Variants in GBE1 observed in about 807,000 individuals in gnomAD.
GBE1 encodes 1,4-alpha-glucan-branching enzyme.
Under a neutral mutation model 88.8 loss-of-function variants are expected in GBE1, and 70 were observed. The ratio of observed to expected loss-of-function variants is 0.79; its 90% CI spans 0.65 to 0.96. The LOEUF is 0.96. Ranked by LOEUF, GBE1 falls within the 40% of genes least tolerant of loss-of-function variation. The pLI is 0.00. For synonymous variants in GBE1, 284 were observed against 300.1 expected (o/e 0.95, Z 0.56); for missense variants, 872 against 871.0 (o/e 1.00, Z -0.01).
intron 1 of GBE1, among the ~76,000 whole-genome samples, chr3:81,740,627 T>C (rs1036951043): frequency 2.0e-5 from 3 of 152,142 alleles, no homozygotes; most frequent in Non-Finnish European, 4.4e-5. Flanking sequence ...TATGAAATAC[T>C]TAAAGCCATT....
At chr3:81,529,375 A>G (rs1702986005) in intron 14 of GBE1, among the ~76,000 whole-genome samples, 1 of 151,904 alleles carries the variant, frequency 6.6e-6, no homozygotes. Context: ...ATCATATTCC[A>G]TATTTGTCTG....
intron 1 of GBE1, among the ~76,000 whole-genome samples, chr3:81,759,320 A>G (rs1199334097): frequency 2.0e-5 from 3 of 152,358 alleles, no homozygotes; most frequent in Admixed American, 6.5e-5. Context: ...TTCCTTCTTC[A>G]TCACCTTAAT....
At chr3:81,623,974 A>T (rs1033758385) in intron 7 of GBE1, among the ~76,000 whole-genome samples, 1 of 152,138 alleles carries the variant, frequency 6.6e-6, no homozygotes, top group Non-Finnish European at 1.5e-5. Context: ...CCTGACCCAG[A>T]CTTATTTTTA....
rs375025896 is a variant in GBE1 at position 81,642,985 on chromosome 3, T to C, written c.788A>G (p.Tyr263Cys). Residue 263 changes from tyrosine to cysteine, a missense_variant, in exon 7 of 16, where the codon TAT (tyrosine) becomes TGT (cysteine). Physicochemically the swap from Tyr to Cys is radical, Grantham distance 194 (BLOSUM62 -2). Transcript: ENST00000429644. ...ITSFFAASSR[Y>C]GTPEELQELV... is the part of the protein sequence containing the mutation. ...TTCTTGTAGCTCTTCAGGTGTTCCA[T>C]AACGGCTAACAATGAAGAACACAGC... 4 of 1,603,992 alleles carry C rather than the reference T, an allele frequency of 2.5e-6. No individual in the cohort carries two copies. Among genetic ancestry groups the C allele is most frequent in the Non-Finnish European group, 3.4e-6 (4 of 1,173,360 alleles).
chr3:81,578,036 T>C lies in GBE1; in HGVS notation c.1507A>G (p.Met503Val). The stretch of plus-strand genomic sequence containing the variant: ...GGAGTAAAAGGAGTCAGGACACTCA[T>C]GTTTGTATACATTTCGGCATCCATC... ...WLMDAEMYTN[M>V]SVLTPFTPVI... The change falls in exon 12 of 16, where the codon ATG (methionine) becomes GTG (valine). Residue 503 changes from methionine (M) to valine (V), a missense_variant. Physicochemically the swap from Met to Val is conservative, Grantham distance 21 (BLOSUM62 1). Transcript: ENST00000429644. The C allele has an allele frequency of 6.2e-7, 1 of 1,610,838 alleles. No individual in the cohort carries two copies. The highest frequency in any genetic ancestry group is 8.5e-7 in the Non-Finnish European group (1 of 1,178,578).
At chr3:81,682,030 G>C (rs559914856) in intron 2 of GBE1, among the ~76,000 whole-genome samples, 1 of 152,326 alleles carries the variant, frequency 6.6e-6, no homozygotes, top group African/African-American at 2.4e-5. Flanking sequence ...TCATATATTT[G>C]ATAGGGGATG....
chr3:81,737,350 AATATATATTTATATATTTAT>A (rs1706275228), intron 1 of GBE1, among the ~76,000 whole-genome samples: 1 of 85,238 alleles, frequency 1.2e-5, no homozygotes, highest in Admixed American at 1.3e-4. Context: ...TATTTATATA[AATATATATTTATATATTTAT>A]ATATATTTTT....
chr3:81,515,158 T>C (rs1178924394), intron 14 of GBE1, among the ~76,000 whole-genome samples: 2 of 151,612 alleles, frequency 1.3e-5, no homozygotes, highest in African/African-American at 4.8e-5. Context: ...TTTTTACAAA[T>C]TGAAGATTTG....
chr3:81,529,269 C>G lies in GBE1; in HGVS notation c.1934+5926G>C, dbSNP rs574867338. 3.0e-4 allele frequency among the ~76,000 whole-genome samples: 46 copies of G among 152,076 alleles called. 1 individual carries two copies. In the South Asian group the frequency reaches 9.6e-3, roughly 32 times the overall value. Reference sequence around the variant, plus strand: ...CTACCTTTTAACTTCATCTTGCCAGCATTTTAACTTTTTGTTTGTATTTAT... The same window carrying G: ...CTACCTTTTAACTTCATCTTGCCAGGATTTTAACTTTTTGTTTGTATTTAT... On this transcript the variant is annotated intron_variant, in intron 14 of 15. Transcript: ENST00000429644.
chr3:81,710,097 A>G (rs1291039517), intron 1 of GBE1, among the ~76,000 whole-genome samples: 1 of 152,184 alleles, frequency 6.6e-6, no homozygotes, highest in Non-Finnish European at 1.5e-5. Context: ...TCCAAGATCA[A>G]GAAGGTAATA....
chr3:81,564,192 A>G (rs1703459636), intron 12 of GBE1, among the ~76,000 whole-genome samples: 1 of 152,106 alleles, frequency 6.6e-6, no homozygotes, highest in Non-Finnish European at 1.5e-5. Context: ...GTGAGGATAC[A>G]ATGCCCATCC....
intron 7 of GBE1, among the ~76,000 whole-genome samples, chr3:81,636,759 A>G (rs1353404006): frequency 2.0e-5 from 3 of 152,016 alleles, no homozygotes; most frequent in South Asian, 2.1e-4. Context: ...TGAACTCCCA[A>G]TCTCAGGTGA....
At chr3:81,551,999 A>G (rs1317739346) in intron 12 of GBE1, among the ~76,000 whole-genome samples, 6 of 152,202 alleles carry the variant, frequency 3.9e-5, no homozygotes, top group African/African-American at 1.2e-4. Flanking sequence ...CTGCTCTCCC[A>G]GTCCTCCCCC....
At chr3:81,589,751 T>A (rs1350354522) in intron 9 of GBE1, among the ~76,000 whole-genome samples, 1 of 152,098 alleles carries the variant, frequency 6.6e-6, no homozygotes, top group African/African-American at 2.4e-5. Context: ...ATTTGTCATT[T>A]GTAATATCTC....
intron 2 of GBE1, among the ~76,000 whole-genome samples, chr3:81,692,098 A>G (rs1705529972): frequency 6.6e-6 from 1 of 152,174 alleles, no homozygotes; most frequent in African/African-American, 2.4e-5. Context: ...AGGGACACTC[A>G]CATTCTGAAA....
chr3:81,556,030 T>C (rs1418479929), intron 12 of GBE1, among the ~76,000 whole-genome samples: 6 of 152,120 alleles, frequency 3.9e-5, no homozygotes, highest in Admixed American at 2.6e-4. Context: ...GGAAGGACTT[T>C]TCAGTTGTGT....
chr3:81,590,723 T>C (rs1259454735), intron 9 of GBE1, among the ~76,000 whole-genome samples: 2 of 152,136 alleles, frequency 1.3e-5, no homozygotes, highest in Non-Finnish European at 2.9e-5. Context: ...ACATTAATAT[T>C]CAATTCTTTT....
At chr3:81,743,803 A>G (rs1159135531) in intron 1 of GBE1, among the ~76,000 whole-genome samples, 3 of 152,120 alleles carry the variant, frequency 2.0e-5, no homozygotes, top group African/African-American at 4.8e-5. Flanking sequence ...AAAGACATGA[A>G]TAAGAATTAC....
chr3:81,575,874 T>C (rs1031375951), intron 12 of GBE1, among the ~76,000 whole-genome samples: 1 of 152,190 alleles, frequency 6.6e-6, no homozygotes, highest in Non-Finnish European at 1.5e-5. Context: ...AAGGTAGCCT[T>C]GTATTTGTTA....
Sources: gnomAD v4.1 joint callset for allele counts (sites outside exome capture counted in the v4.1 genomes callset) on GRCh38, gnomAD v4.1.1 for gene constraint, MANE v1.5 for transcripts, NCBI Gene and HGNC (gene_info 2026-07-23, HGNC 2026-07-21) for gene names.